Variants in FANCM observed in about 807,000 individuals in gnomAD.
FANCM encodes the protein Fanconi anemia group M protein.
Under a neutral mutation model 199.5 loss-of-function variants are expected in FANCM, and 140 were observed. The observed-to-expected ratio is 0.70, with a 90% CI of 0.61 to 0.81. The LOEUF is 0.81. Ranked by LOEUF, FANCM falls within the 30% of genes least tolerant of loss-of-function variation. The pLI, the probability that FANCM is intolerant of heterozygous loss-of-function variation, is 0.00. For missense variants in FANCM, 2,410 were observed against 2,421.4 expected (o/e 1.00, Z 0.10); for synonymous variants, 840 against 836.8 (o/e 1.00, Z -0.07).
intron 14 of FANCM, among the ~76,000 whole-genome samples, chr14:45,177,449 T>C (rs975251977): frequency 1.3e-5 from 2 of 152,164 alleles, no homozygotes; most frequent in African/African-American, 4.8e-5. Flanking sequence ...TGGAGTGCAA[T>C]GGCATGGTCT....
intron 10 of FANCM, 144 bp downstream of exon 10, chr14:45,164,709 C>T (rs1388043261): frequency 3.0e-6 from 2 of 669,812 alleles, no homozygotes; most frequent in East Asian, 2.7e-5. Flanking sequence ...ATTGGATTCT[C>T]TCTTGTAACT....
chr14:45,182,106 T>A (rs894912131), intron 16 of FANCM, among the ~76,000 whole-genome samples: 13 of 152,320 alleles, frequency 8.5e-5, no homozygotes, highest in African/African-American at 2.6e-4. Context: ...TTCAGTATAA[T>A]TTTTAAAGTT....
intron 20 of FANCM, among the ~76,000 whole-genome samples, chr14:45,189,969 A>C (rs1029228186): frequency 6.8e-6 from 1 of 146,214 alleles, no homozygotes. Context: ...CTCCATCTCA[A>C]AAAAAAAAAA....
chr14:45,185,579 A>G (rs1889350509), intron 18 of FANCM, among the ~76,000 whole-genome samples: 1 of 152,076 alleles, frequency 6.6e-6, no homozygotes, highest in South Asian at 2.1e-4. Flanking sequence ...TAATTTGAAT[A>G]TTTCTCTTCA....
rs567161959 is a variant in FANCM, at chr14:45,200,151, TATAGAAATTATTAAAA to T, written c.*145_*160del. The T allele has an allele frequency of 1.7e-3, 476 of 284,328 alleles. 3 individuals are homozygous for T. The highest frequency in any genetic ancestry group is 0.01 in the African/African-American group (453 of 44,276). 17.6% of individuals were successfully genotyped at this position (284,328 alleles called of 1,614,324 possible). ...ATTGTATACATTTTTATTTATAGATTATAGAAATTATTAAAAAAGAAAAATCTGATGTTCAGTGATC... is the reference window on the plus strand; with the variant it reads ...ATTGTATACATTTTTATTTATAGATTAAGAAAAATCTGATGTTCAGTGATC... On this transcript the variant is annotated 3_prime_UTR_variant, in exon 23 of 23. Coordinates refer to ENST00000267430, the MANE Select transcript of FANCM (RefSeq NM_020937.4).
At chr14:45,174,359 C>T (rs1888527722) in intron 13 of FANCM, among the ~76,000 whole-genome samples, 1 of 151,590 alleles carries the variant, frequency 6.6e-6, no homozygotes, top group African/African-American at 2.4e-5. Context: ...CGTACTCCAG[C>T]CTGGGCGACA....
chr14:45,149,000 A>G lies in FANCM; in HGVS notation c.918+5A>G, dbSNP rs1886630277. On this transcript the variant is annotated splice_donor_5th_base_variant and intron_variant, in intron 4 of 22. Transcript: ENST00000267430. ...ATCCAAAAGACCTATATCCAGGTAAACCATTTTTATGACATTTAGGGATTT... is the reference window on the plus strand; with the variant it reads ...ATCCAAAAGACCTATATCCAGGTAAGCCATTTTTATGACATTTAGGGATTT... 3 of 1,609,330 alleles carry G rather than the reference A, an allele frequency of 1.9e-6. No homozygotes were observed. The highest frequency in any genetic ancestry group is 1.3e-5 in the African/African-American group (1 of 74,788).
intron 12 of FANCM, 78 bp from the exon 13 acceptor site, chr14:45,172,977 A>G (rs1888435131): frequency 9.8e-7 from 1 of 1,020,034 alleles, no homozygotes; most frequent in Admixed American, 1.8e-5. Flanking sequence ...GATTATATGT[A>G]TATTGAGTGT....
intron 3 of FANCM, among the ~76,000 whole-genome samples, chr14:45,143,101 A>G (rs1487549957): frequency 3.3e-5 from 5 of 150,736 alleles, no homozygotes; most frequent in African/African-American, 7.3e-5. Flanking sequence ...TATTTTATCA[A>G]TTTTATTAAG....
At chr14:45,177,080 A>G (rs1401043091) in intron 14 of FANCM, 104 bp downstream of exon 14, 3 of 704,174 alleles carry the variant, frequency 4.3e-6, no homozygotes, top group Admixed American at 2.6e-5. Flanking sequence ...ATGGTACAAT[A>G]TAAATATTGA....
chr14:45,195,064 A>G lies in FANCM; in HGVS notation c.5341-1108A>G, dbSNP rs374158931. On this transcript the variant is annotated intron_variant, in intron 20 of 22. Coordinates refer to ENST00000267430, the MANE Select transcript of FANCM (RefSeq NM_020937.4). ...GCTGTATCATATTTTTATTACTACCAGCACTGTAAAAGAATTTCTGATTTC... is the reference window on the plus strand; with the variant it reads ...GCTGTATCATATTTTTATTACTACCGGCACTGTAAAAGAATTTCTGATTTC... 1.2e-4 allele frequency among the ~76,000 whole-genome samples: 18 copies of G among 152,326 alleles called. No homozygotes were observed. In the East Asian group the frequency reaches 1.9e-3, roughly 16 times the overall value.
At position 45,183,967 on chromosome 14, in the gene FANCM, A is replaced by G; in HGVS notation, c.4515+65A>G. On this transcript the variant is annotated intron_variant, in intron 17 of 22. Coordinates refer to ENST00000267430, the MANE Select transcript of FANCM (RefSeq NM_020937.4). ...TATCAGTAAAGATAATTGGTTTTAC[A>G]TCAATGTAGATTTCTCTATACATTC... 7 of 1,201,022 alleles carry G rather than the reference A, an allele frequency of 5.8e-6. No homozygotes were observed. In the South Asian group the frequency reaches 6.6e-5, roughly 11 times the overall value. 74.4% of individuals were successfully genotyped at this position (1,201,022 alleles called of 1,614,324 possible).
intron 7 of FANCM, 78 bp from the exon 8 acceptor site, chr14:45,155,295 G>T: frequency 3.0e-6 from 2 of 657,394 alleles, no homozygotes; most frequent in Non-Finnish European, 5.4e-6. Context: ...CATTGGAAAA[G>T]ATAACTTTCA....
intron 3 of FANCM, among the ~76,000 whole-genome samples, chr14:45,145,566 T>C (rs1218581266): frequency 6.6e-6 from 1 of 152,172 alleles, no homozygotes; most frequent in Admixed American, 6.5e-5. Context: ...CCCAGGTTCT[T>C]AGATTCTTTC....
At position 45,196,531 on chromosome 14, in the gene FANCM, G is replaced by C. The variant is rs997838682; in HGVS notation, c.5700G>C (p.Lys1900Asn). 1.2e-6 allele frequency: 2 copies of C among 1,613,698 alleles called. No homozygotes were observed. Among genetic ancestry groups the C allele is most frequent in the Admixed American group, 3.3e-5 (2 of 60,016 alleles). ...AAAGAATATGTGTGATTGTGGAAAA[G>C]GACAGAGAAAAAACAGGTTTGTATT... ...MFERICVIVE[K>N]DREKTGDTSR... The change falls in exon 21 of 23, where the codon AAG becomes AAC. Residue 1900 changes from lysine to asparagine, a missense_variant. Physicochemically the swap from Lys to Asn is moderately conservative, Grantham distance 94. Coordinates refer to ENST00000267430, the MANE Select transcript of FANCM (RefSeq NM_020937.4).
intron 4 of FANCM, 54 bp downstream of exon 4, chr14:45,149,049 T>A (rs927027861): frequency 7.8e-7 from 1 of 1,281,872 alleles, no homozygotes; most frequent in Non-Finnish European, 1.1e-6. Context: ...GTAATTGAAT[T>A]ATTTCAGCTA....
Position 45,189,272 on chromosome 14 carries a change from T to G in FANCM, c.5250T>G (p.Pro1750=), listed in dbSNP as rs750305966. ...TTTCCGAAGTCTCAGACTTCAAACCTCAGAATCATAATGAAGTCCAGTCTA... is the reference window on the plus strand; with the variant it reads ...TTTCCGAAGTCTCAGACTTCAAACCGCAGAATCATAATGAAGTCCAGTCTA... ...DTISEVSDFK[P]QNHNEVQSTT... Residue 1750 remains proline, a synonymous_variant, in exon 20 of 23, where the codon CCT becomes CCG. Coordinates refer to ENST00000267430, the MANE Select transcript of FANCM (RefSeq NM_020937.4). 1.9e-6 allele frequency: 3 copies of G among 1,613,634 alleles called. No homozygotes were observed. The highest frequency in any genetic ancestry group is 2.5e-6 in the Non-Finnish European group (3 of 1,179,704).
chr14:45,165,416 C>T (rs928432623), intron 10 of FANCM, among the ~76,000 whole-genome samples: 5 of 151,968 alleles, frequency 3.3e-5, no homozygotes, highest in South Asian at 2.1e-4. Flanking sequence ...GGTGTGGTGG[C>T]GCACGTCTGT....
chr14:45,197,958 G>A (rs919311049), intron 21 of FANCM, among the ~76,000 whole-genome samples: 3 of 150,622 alleles, frequency 2.0e-5, no homozygotes, highest in Non-Finnish European at 2.9e-5. Flanking sequence ...TTGTAGAGAC[G>A]AGGTTTCACC....
Sources: allele counts gnomAD v4.1 joint callset (sites outside exome capture counted in the v4.1 genomes callset), GRCh38; gene constraint gnomAD v4.1.1; transcripts MANE v1.5; gene names NCBI Gene and HGNC (gene_info 2026-07-23, HGNC 2026-07-21).